Variants in PCSK5 observed in about 807,000 individuals in gnomAD.
The protein encoded by PCSK5 is proprotein convertase subtilisin/kexin type 5.
A neutral mutation model predicts 233.2 loss-of-function variants in PCSK5; 129 were observed. The ratio of observed to expected loss-of-function variants is 0.55; its 90% confidence interval spans 0.48 to 0.64. The LOEUF (loss-of-function observed/expected upper bound fraction) is 0.64, where lower values mean the gene tolerates loss of function less well. Ranked by LOEUF, PCSK5 falls within the 30% of genes least tolerant of loss-of-function variation. The pLI is 0.00. For synonymous variants in PCSK5, 825 were observed against 879.2 expected, an observed-to-expected ratio of 0.94 and a Z score of 1.09; for missense variants, 2,076 against 2,430.1, an observed-to-expected ratio of 0.85 and a Z score of 3.06.
At chr9:76,314,928 C>CAA (rs1828980167) in intron 30 of PCSK5, among the ~76,000 whole-genome samples, 1 of 151,666 alleles carries the variant, frequency 6.6e-6, no homozygotes, top group African/African-American at 2.4e-5. Context: ...GCATGAGCCG[C>CAA]CACGCTAGGC....
intron 33 of PCSK5, among the ~76,000 whole-genome samples, chr9:76,330,398 G>A (rs1454580425): frequency 6.6e-6 from 1 of 152,126 alleles, no homozygotes; most frequent in Non-Finnish European, 1.5e-5. Flanking sequence ...CAGGAAGTAT[G>A]AGCACTTTTC....
chr9:76,128,639 G>T (rs1822621876), intron 9 of PCSK5, among the ~76,000 whole-genome samples: 1 of 152,108 alleles, frequency 6.6e-6, no homozygotes, highest in Non-Finnish European at 1.5e-5. Flanking sequence ...ATAAATTAGG[G>T]GCTATCTTCT....
intron 24 of PCSK5, among the ~76,000 whole-genome samples, chr9:76,260,952 C>T: frequency 1.3e-5 from 2 of 152,162 alleles, no homozygotes; most frequent in East Asian, 3.9e-4. Flanking sequence ...TATATTATAT[C>T]AATAACCTCT....
chr9:76,182,332 G>C (rs2131220109), intron 16 of PCSK5, among the ~76,000 whole-genome samples: 1 of 152,266 alleles, frequency 6.6e-6, no homozygotes, highest in African/African-American at 2.4e-5. Flanking sequence ...TCTTTTAAGA[G>C]TAGAATGAAC....
chr9:76,220,055 T>G (rs772500402), intron 20 of PCSK5, among the ~76,000 whole-genome samples: 4 of 152,148 alleles, frequency 2.6e-5, no homozygotes, highest in South Asian at 2.1e-4. Context: ...GTAGAAATTC[T>G]AGGCTCACAG....
intron 5 of PCSK5, among the ~76,000 whole-genome samples, chr9:76,046,168 T>TG (rs1829372633): frequency 3.3e-5 from 2 of 60,620 alleles, no homozygotes; most frequent in South Asian, 1.1e-3. Flanking sequence ...TTGTTTTTTT[T>TG]TTTTTTTTTT....
At chr9:76,309,642 A>G (rs991539977) in intron 29 of PCSK5, among the ~76,000 whole-genome samples, 2 of 151,798 alleles carry the variant, frequency 1.3e-5, no homozygotes, top group African/African-American at 2.4e-5. Flanking sequence ...TGCAGTGTGC[A>G]CTTCAACCTG....
In PCSK5 at chr9:76,319,849, T is replaced by C. The variant is rs76149242; in HGVS notation, c.3885-1573T>C. 1.5e-3 allele frequency among the ~76,000 whole-genome samples: 229 copies of C among 152,296 alleles called. 7 individuals carry two copies. The East Asian group carries it at 0.042, about 28-fold the overall frequency. ...TCATAGTAGATAGCGGTAGAAGAAATAGTGAAAGTCTTAAAGTCTTTGATC... is the reference window on the plus strand; with the variant it reads ...TCATAGTAGATAGCGGTAGAAGAAACAGTGAAAGTCTTAAAGTCTTTGATC... On this transcript the variant is annotated intron_variant, in intron 30 of 37. Coordinates refer to ENST00000674117, the MANE Select transcript of PCSK5 (RefSeq NM_001372043.1).
In PCSK5 at chr9:76,362,090, T is replaced by G. The variant is rs758601652; in HGVS notation, c.*3168T>G. The G allele has an allele frequency of 6.6e-6, 1 of 152,228 alleles. No individual in the cohort carries two copies. The highest frequency in any genetic ancestry group is 1.5e-5 in the Non-Finnish European group (1 of 68,038). 9.4% of individuals were successfully genotyped at this position (152,228 alleles called of 1,614,324 possible). ...GAAGGCTCATGCTTGTGTATTGAGG[T>G]TTGACATCTTTCCTTCTTTGTTTTT... On this transcript the variant is annotated 3_prime_UTR_variant, in exon 38 of 38. Transcript: ENST00000674117.
intron 2 of PCSK5, among the ~76,000 whole-genome samples, chr9:75,960,080 G>A (rs906533028): frequency 1.3e-5 from 2 of 152,202 alleles, no homozygotes; most frequent in African/African-American, 4.8e-5. Flanking sequence ...GTTCTATGAT[G>A]GAGACAGAAG....
chr9:76,258,520 G>A (rs1452180577), intron 24 of PCSK5, among the ~76,000 whole-genome samples: 1 of 152,182 alleles, frequency 6.6e-6, no homozygotes, highest in Non-Finnish European at 1.5e-5. Flanking sequence ...CTGTACATTT[G>A]AAATATTATC....
chr9:76,259,890 G>C (rs1320135936), intron 24 of PCSK5, among the ~76,000 whole-genome samples: 1 of 152,118 alleles, frequency 6.6e-6, no homozygotes, highest in African/African-American at 2.4e-5. Flanking sequence ...GAAGCAGAGG[G>C]GACTGGACTG....
At chr9:76,198,471 C>A (rs762828441) in intron 20 of PCSK5, among the ~76,000 whole-genome samples, 54 of 152,186 alleles carry the variant, frequency 3.5e-4, no homozygotes, top group Non-Finnish European at 6.6e-4. Flanking sequence ...GATAGACATT[C>A]ATTTTCTGAT....
chr9:76,126,890 C>T (rs1287032755), intron 9 of PCSK5, among the ~76,000 whole-genome samples: 2 of 152,054 alleles, frequency 1.3e-5, no homozygotes, highest in Non-Finnish European at 2.9e-5. Context: ...CATGACTATG[C>T]AATATATGCA....
chr9:76,209,604 C>G (rs943688670), intron 20 of PCSK5: 1 of 505,242 alleles, frequency 2.0e-6, no homozygotes, highest in Non-Finnish European at 3.9e-6. Context: ...TCCCTAACGT[C>G]CAATAGTCAA....
At chr9:76,238,805 G>A (rs1199437363) in intron 22 of PCSK5, among the ~76,000 whole-genome samples, 154 bp from the exon 23 acceptor site, 2 of 152,158 alleles carry the variant, frequency 1.3e-5, no homozygotes, top group African/African-American at 4.8e-5. Context: ...TGTAGCTATT[G>A]CACTTTTCAT....
chr9:76,292,322 A>G (rs1244613191), intron 25 of PCSK5, 47 bp downstream of exon 25: 2 of 1,166,904 alleles, frequency 1.7e-6, no homozygotes. Flanking sequence ...CTGCAGTTTA[A>G]GCATTACTGA....
At chr9:76,237,722 C>G (rs1826295767) in intron 22 of PCSK5, among the ~76,000 whole-genome samples, 1 of 152,058 alleles carries the variant, frequency 6.6e-6, no homozygotes, top group African/African-American at 2.4e-5. Context: ...TTGCAGTAAG[C>G]TGAGATCATG....
intron 20 of PCSK5, among the ~76,000 whole-genome samples, chr9:76,210,737 G>C (rs1190477600): frequency 6.6e-6 from 1 of 152,282 alleles, no homozygotes; most frequent in South Asian, 2.1e-4. Context: ...GAATTGGCGT[G>C]GGGGGTGGAG....
Sources: allele counts gnomAD v4.1 joint callset (sites outside exome capture counted in the v4.1 genomes callset), GRCh38; gene constraint gnomAD v4.1.1; transcripts MANE v1.5; gene names NCBI Gene and HGNC (gene_info 2026-07-23, HGNC 2026-07-21).